Variants in KDM3B observed in about 807,000 individuals in gnomAD.
KDM3B encodes the protein lysine-specific demethylase 3B.
KDM3B carries 10 observed loss-of-function variants against 170.0 expected under a neutral mutation model. The ratio of observed to expected loss-of-function variants is 0.06; its 90% CI spans 0.04 to 0.10. The LOEUF (loss-of-function observed/expected upper bound fraction) is 0.10, where lower values mean the gene tolerates loss of function less well. Among genes scored for constraint, KDM3B ranks in the 10% least tolerant of loss-of-function variants. The pLI, the probability that KDM3B is intolerant of heterozygous loss-of-function variation, is 1.00. For missense variants in KDM3B, 1,394 were observed against 2,195.2 expected (o/e 0.64, Z 7.29); for synonymous variants, 831 against 834.8 (o/e 1.00, Z 0.08).
chr5:138,371,015 G>A (rs1281844780), intron 1 of KDM3B, among the ~76,000 whole-genome samples: 5 of 151,936 alleles, frequency 3.3e-5, no homozygotes, highest in Admixed American at 2.6e-4. Flanking sequence ...CACCATCTTG[G>A]CCAAGTTGGT....
rs200618275 is a variant in KDM3B at position 138,372,733 on chromosome 5, T to G, written c.252T>G (p.Ala84=). ...WKQHSWVKVH[A]EEVIVLLLEG... ...AACACTCCTGGGTAAAAGTTCATGC[T>G]GAGGAAGTTATCGTGCTTCTGCTGG... Residue 84 remains alanine (A), a synonymous_variant, in exon 2 of 24, where the codon GCT becomes GCG. Coordinates refer to ENST00000314358, the MANE Select transcript of KDM3B (RefSeq NM_016604.4). 7.4e-6 allele frequency: 12 copies of G among 1,613,996 alleles called. 1 individual carries two copies. In the South Asian group the frequency reaches 1.2e-4, roughly 16 times the overall value.
At chr5:138,379,196 C>G (rs529984483) in intron 4 of KDM3B, among the ~76,000 whole-genome samples, 29 of 152,236 alleles carry the variant, frequency 1.9e-4, no homozygotes, top group African/African-American at 7.0e-4. Flanking sequence ...TGGCCTCCCA[C>G]TTTTTTCATG....
chr5:138,364,857 C>T (rs985054002), intron 1 of KDM3B, among the ~76,000 whole-genome samples: 1 of 152,210 alleles, frequency 6.6e-6, no homozygotes, highest in Non-Finnish European at 1.5e-5. Flanking sequence ...CCTGAAAGCA[C>T]TATATGTGCT....
At chr5:138,410,816 A>T (rs1436767042) in intron 11 of KDM3B, among the ~76,000 whole-genome samples, 370 of 145,958 alleles carry the variant, frequency 2.5e-3, no homozygotes, top group Middle Eastern at 3.6e-3. Context: ...GAGAGAGAGG[A>T]GACAAAGAGA....
intron 9 of KDM3B, chr5:138,397,976 T>C: frequency 2.1e-6 from 1 of 481,308 alleles, no homozygotes; most frequent in Non-Finnish European, 3.7e-6. Flanking sequence ...CTGGGACAGC[T>C]TTTTAAAGAA....
At chr5:138,423,502 C>T (rs1035444983) in intron 15 of KDM3B, among the ~76,000 whole-genome samples, 3 of 152,130 alleles carry the variant, frequency 2.0e-5, no homozygotes, top group East Asian at 1.9e-4. Context: ...TCAGCTGAAA[C>T]AGGTGAGTGA....
intron 1 of KDM3B, among the ~76,000 whole-genome samples, chr5:138,358,857 C>T (rs1561753773): frequency 6.6e-5 from 10 of 151,294 alleles, no homozygotes; most frequent in Admixed American, 5.3e-4. Flanking sequence ...GTTAGTTACA[C>T]GTGTATACAT....
At chr5:138,376,872 A>G (rs543336750) in intron 3 of KDM3B, among the ~76,000 whole-genome samples, 1 of 152,264 alleles carries the variant, frequency 6.6e-6, no homozygotes, top group Non-Finnish European at 1.5e-5. Flanking sequence ...GTTAATAGTT[A>G]AAACAAACCA....
Position 138,409,160 on chromosome 5 carries a change from T to C in KDM3B, c.3200-5972T>C, listed in dbSNP as rs144708713. 2.7e-3 allele frequency among the ~76,000 whole-genome samples: 418 copies of C among 152,302 alleles called. 15 individuals are homozygous for C. The highest frequency in any genetic ancestry group is 0.025 in the Admixed American group (381 of 15,288). ...GTCAGCTTTTGTAACTTCTATTCAG[T>C]ATTTTACTGGAGTTAGTGGTCAGTA... is the stretch of plus-strand genomic sequence containing the variant. On this transcript the variant is annotated intron_variant, in intron 11 of 23. Coordinates refer to ENST00000314358, the MANE Select transcript of KDM3B (RefSeq NM_016604.4).
intron 1 of KDM3B, among the ~76,000 whole-genome samples, chr5:138,363,118 T>C (rs1277796299): frequency 1.3e-5 from 2 of 152,100 alleles, no homozygotes; most frequent in Non-Finnish European, 2.9e-5. Flanking sequence ...AGAGGGAAAG[T>C]CTTCCATCCT....
At chr5:138,358,713 G>T (rs1580872262) in intron 1 of KDM3B, among the ~76,000 whole-genome samples, 1 of 151,812 alleles carries the variant, frequency 6.6e-6, no homozygotes, top group African/African-American at 2.4e-5. Flanking sequence ...TCCTGCCTCA[G>T]CTTCCTGATT....
At chr5:138,426,928 A>T (rs757168401) in intron 17 of KDM3B, 47 bp from the exon 18 acceptor site, 1 of 1,428,228 alleles carries the variant, frequency 7.0e-7, no homozygotes, top group Admixed American at 1.7e-5. Flanking sequence ...AAAATCGGAC[A>T]CCAGCCAAAC....
intron 12 of KDM3B, among the ~76,000 whole-genome samples, chr5:138,415,944 G>A (rs1763091973): frequency 6.6e-6 from 1 of 152,178 alleles, no homozygotes; most frequent in African/African-American, 2.4e-5. Flanking sequence ...CAGCTAAAAT[G>A]GTCAGGTGTG....
Position 138,386,430 on chromosome 5 carries a change from G to C in KDM3B, c.1189G>C (p.Glu397Gln). Reference protein sequence around the residue: ...TATGQTPLAPEVGGAENKEAG... With the variant: ...TATGQTPLAPQVGGAENKEAG... ...CACAGGTCAGACACCTTTGGCCCCA[G>C]AGGTGGGTGGAGCCGAAAACAAAGA... The change falls in exon 7 of 24, where the codon GAG (glutamate) becomes CAG (glutamine). Residue 397 changes from glutamate to glutamine, a missense_variant. By Grantham distance (29) the Glu-to-Gln change is conservative (BLOSUM62 2). Coordinates refer to ENST00000314358, the MANE Select transcript of KDM3B (RefSeq NM_016604.4). 4 of 1,614,190 alleles carry C rather than the reference G, an allele frequency of 2.5e-6. No individual in the cohort carries two copies. The highest frequency in any genetic ancestry group is 3.4e-6 in the Non-Finnish European group (4 of 1,180,040).
Position 138,417,560 on chromosome 5 carries a change from C to T in KDM3B, c.3385C>T (p.Arg1129Ter). 2 of 1,614,018 alleles carry T rather than the reference C, an allele frequency of 1.2e-6. No homozygotes were observed. Among genetic ancestry groups the T allele is most frequent in the East Asian group, 2.2e-5 (1 of 44,884 alleles). ...TAAAGCAAACTGCCCTTGTATCAGT[C>T]GACAGAACAAATCTGTATTGAGACC... is the stretch of plus-strand genomic sequence containing the variant. ...GIKANCPCIS[R>*]QNKSVLRPAV... Residue 1129 changes from arginine (R) to a stop codon, truncating the protein, a stop_gained, in exon 13 of 24, where the codon CGA becomes TGA. Coordinates refer to ENST00000314358, the MANE Select transcript of KDM3B (RefSeq NM_016604.4). LOFTEE classifies it high-confidence loss of function.
At chr5:138,420,622 C>G in intron 14 of KDM3B, 84 bp from the exon 15 acceptor site, 2 of 1,423,280 alleles carry the variant, frequency 1.4e-6, no homozygotes, top group South Asian at 2.4e-5. Flanking sequence ...TTTCCTCCTT[C>G]CCATGTGACT....
chr5:138,411,856 C>A (rs1762978026), intron 11 of KDM3B, among the ~76,000 whole-genome samples: 1 of 150,526 alleles, frequency 6.6e-6, no homozygotes, highest in Non-Finnish European at 1.5e-5. Context: ...CCCGCCACCA[C>A]CCCCAGCCAA....
intron 3 of KDM3B, among the ~76,000 whole-genome samples, chr5:138,375,624 CGCCTCG>C (rs1324959235): frequency 6.6e-6 from 1 of 151,998 alleles, no homozygotes; most frequent in Non-Finnish European, 1.5e-5. Context: ...GTGATCCGCC[CGCCTCG>C]GCCTCCCAAA....
intron 4 of KDM3B, 54 bp downstream of exon 4, chr5:138,377,879 G>A: frequency 7.7e-7 from 1 of 1,290,696 alleles, no homozygotes; most frequent in Non-Finnish European, 1.1e-6. Flanking sequence ...AATGATCACT[G>A]TTGAGTGATA....
Sources: allele counts gnomAD v4.1 joint callset (sites outside exome capture counted in the v4.1 genomes callset), GRCh38; gene constraint gnomAD v4.1.1; transcripts MANE v1.5; gene names NCBI Gene and HGNC (gene_info 2026-07-23, HGNC 2026-07-21).